Variants in DERL1 observed in about 807,000 individuals in gnomAD.
DERL1 encodes derlin 1, also known as derlin-1.
A neutral mutation model predicts 41.6 loss-of-function variants in DERL1; 24 were observed. The observed-to-expected ratio is 0.58, with a 90% confidence interval of 0.42 to 0.81. DERL1 has a LOEUF of 0.81. DERL1 is among the 30% of genes least tolerant of loss of function. DERL1 has a pLI of 0.00. For synonymous variants in DERL1, 124 were observed against 112.5 expected (o/e 1.10, Z -0.65); for missense variants, 260 against 314.3 (o/e 0.83, Z 1.31).
At position 123,030,675 on chromosome 8, in the gene DERL1, A is replaced by T. The variant is rs549756805; in HGVS notation, c.195T>A (p.Gly65=). The T allele has an allele frequency of 6.2e-6, 10 of 1,612,846 alleles. No homozygotes were observed. In the African/African-American group the frequency reaches 1.3e-4, roughly 22 times the overall value. The change falls in exon 2 of 8, where the codon GGT becomes GGA. Residue 65 remains glycine, a synonymous_variant. Transcript: ENST00000259512. ...CCAAATAAAGAAATCCAGTTCCTGG[A>T]CCCACAGGGAAATAAAAGGTGGCAG... ...PITATFYFPV[G]PGTGFLYLVN...
intron 2 of DERL1, chr8:123,025,849 A>G (rs1455975609): frequency 1.3e-5 from 2 of 152,234 alleles, no homozygotes; most frequent in African/African-American, 4.8e-5. Context: ...TGTTAGAACC[A>G]GAGTGACATC....
chr8:123,030,380 C>G (rs1209888169), intron 2 of DERL1: 1 of 369,714 alleles, frequency 2.7e-6, no homozygotes, highest in South Asian at 3.7e-5. Flanking sequence ...CTACTTTTTG[C>G]ATCTATAAAA....
Position 123,015,217 on chromosome 8 carries a change from T to G in DERL1, c.*230A>C. The G allele has an allele frequency of 2.0e-6, 1 of 497,706 alleles. No individual in the cohort carries two copies. The highest frequency in any genetic ancestry group is 3.3e-6 in the Non-Finnish European group (1 of 303,776). 30.8% of individuals were successfully genotyped at this position (497,706 alleles called of 1,614,324 possible). On this transcript the variant is annotated 3_prime_UTR_variant, in exon 8 of 8. Coordinates refer to ENST00000259512, the MANE Select transcript of DERL1 (RefSeq NM_024295.6). The stretch of plus-strand genomic sequence containing the variant: ...CCAAAAAATGTAGTCAGTTTTGCAA[T>G]TTGCACAGTTGGTATTTGTTCTTCA...
intron 6 of DERL1, among the ~76,000 whole-genome samples, chr8:123,020,796 CAAAAAA>C (rs59816749): frequency 3.6e-5 from 4 of 112,396 alleles, no homozygotes; most frequent in East Asian, 2.5e-4. Context: ...CTAAAAATCC[CAAAAAA>C]AAAAAAAAAA....
chr8:123,015,901 G>C (rs1814557432), intron 7 of DERL1: 1 of 201,588 alleles, frequency 5.0e-6, no homozygotes, highest in South Asian at 1.7e-4. Flanking sequence ...ACACCCACAA[G>C]CCCAGCAACC....
rs1438946304 is a variant in DERL1 at position 123,013,901 on chromosome 8, A to G, written c.*1546T>C. On this transcript the variant is annotated 3_prime_UTR_variant, in exon 8 of 8. Transcript: ENST00000259512. Reference sequence around the variant, plus strand: ...ATATAAATTAAATATGGAGAGGTACACACAAACTCTATTCAAAATGAGAAG... The same window carrying G: ...ATATAAATTAAATATGGAGAGGTACGCACAAACTCTATTCAAAATGAGAAG... The G allele has an allele frequency of 1.3e-5, 2 of 152,230 alleles. No homozygotes were observed. The highest frequency in any genetic ancestry group is 4.8e-5 in the African/African-American group (2 of 41,450). 9.4% of individuals were successfully genotyped at this position (152,230 alleles called of 1,614,324 possible). A position where few individuals can be genotyped will look rare whatever the true frequency, so the allele number is the denominator to read the frequency against.
chr8:123,037,382 A>G (rs536372184), intron 1 of DERL1, among the ~76,000 whole-genome samples: 1 of 152,350 alleles, frequency 6.6e-6, no homozygotes, highest in South Asian at 2.1e-4. Flanking sequence ...CCCCCAAAAA[A>G]GTTGCATTAA....
In DERL1 at chr8:123,014,956, C is replaced by T. The variant is rs1814515917; in HGVS notation, c.*491G>A. ...AATTACGTGAATATGATTGTTGTGA[C>T]CAAGCCTTGGCAAAAGTCAATAAAT... On this transcript the variant is annotated 3_prime_UTR_variant, in exon 8 of 8. Coordinates refer to ENST00000259512, the MANE Select transcript of DERL1 (RefSeq NM_024295.6). The T allele has an allele frequency of 6.6e-6, 1 of 152,358 alleles. No individual in the cohort carries two copies. The allele number at this position is 152,358 out of a possible 1,614,324, so 9.4% of individuals were successfully genotyped here.
In DERL1 at chr8:123,014,220, T is replaced by C. The variant is rs1814492598; in HGVS notation, c.*1227A>G. 6.6e-6 allele frequency: 1 copy of C among 152,628 alleles called. No individual in the cohort carries two copies. The highest frequency in any genetic ancestry group is 6.5e-5 in the Admixed American group (1 of 15,280). 9.5% of individuals were successfully genotyped at this position (152,628 alleles called of 1,614,324 possible). A position where few individuals can be genotyped will look rare whatever the true frequency, so the allele number is the denominator to read the frequency against. On this transcript the variant is annotated 3_prime_UTR_variant, in exon 8 of 8. Coordinates refer to ENST00000259512, the MANE Select transcript of DERL1 (RefSeq NM_024295.6). ...AAAGCCCACCTACGAAAAAAAGGTG[T>C]GGGTATTTAAGCTGGTCTGATTCAC...
intron 2 of DERL1, among the ~76,000 whole-genome samples, chr8:123,029,006 T>C (rs1022471901): frequency 6.6e-6 from 1 of 151,758 alleles, no homozygotes; most frequent in African/African-American, 2.4e-5. Flanking sequence ...CAGTCAAGGC[T>C]GCAGGGAGCC....
At chr8:123,030,470 A>G in intron 2 of DERL1, 135 bp downstream of exon 2, 1 of 616,512 alleles carries the variant, frequency 1.6e-6, no homozygotes, top group Non-Finnish European at 2.8e-6. Flanking sequence ...CAGTCCTGGC[A>G]CAGTCACTAA....
chr8:123,035,985 A>T (rs1015085042), intron 1 of DERL1, among the ~76,000 whole-genome samples: 1 of 152,218 alleles, frequency 6.6e-6, no homozygotes, highest in African/African-American at 2.4e-5. Context: ...ATGCTAGTTT[A>T]GTAAACTGTG....
At chr8:123,026,828 T>C (rs1812707308) in intron 2 of DERL1, among the ~76,000 whole-genome samples, 1 of 151,472 alleles carries the variant, frequency 6.6e-6, no homozygotes, top group Admixed American at 6.6e-5. Context: ...AAATGAGGTA[T>C]ATCCATACGA....
rs540956881 is a variant in DERL1, at chr8:123,026,661, C to T, written c.266-1611G>A. On this transcript the variant is annotated intron_variant, in intron 2 of 7. Coordinates refer to ENST00000259512, the MANE Select transcript of DERL1 (RefSeq NM_024295.6). Reference sequence around the variant, plus strand: ...GCTCTGCAACTTTTGGGACACGTCACCACCACTCTAGATCACTGTTTTCTT... The same window carrying T: ...GCTCTGCAACTTTTGGGACACGTCATCACCACTCTAGATCACTGTTTTCTT... Among the ~76,000 whole-genome samples, 4 of 152,024 alleles carry T rather than the reference C, an allele frequency of 2.6e-5. No individual in the cohort carries two copies. The East Asian group carries it at 7.7e-4, about 29-fold the overall frequency.
intron 1 of DERL1, among the ~76,000 whole-genome samples, chr8:123,035,179 T>C (rs1343556668): frequency 6.6e-6 from 1 of 152,228 alleles, no homozygotes; most frequent in Admixed American, 6.5e-5. Flanking sequence ...TTGCACCTGT[T>C]CTTTGGAAAT....
intron 3 of DERL1, 110 bp downstream of exon 3, chr8:123,024,876 A>G: frequency 8.8e-7 from 1 of 1,140,890 alleles, no homozygotes; most frequent in Non-Finnish European, 1.2e-6. Context: ...ACGGTAGTCA[A>G]CCAAGATGCA....
rs373192571 is a variant in DERL1 at position 123,015,441 on chromosome 8, G to T, written c.*6C>A. On this transcript the variant is annotated 3_prime_UTR_variant, in exon 8 of 8. Coordinates refer to ENST00000259512, the MANE Select transcript of DERL1 (RefSeq NM_024295.6). ...TTGAGAGGAGCGGCTGCCCGAGGCC[G>T]CCCCTTCACTGGTCTCCAAGTCGAA... 4 of 1,610,404 alleles carry T rather than the reference G, an allele frequency of 2.5e-6. No homozygotes were observed. The highest frequency in any genetic ancestry group is 3.4e-6 in the Non-Finnish European group (4 of 1,178,410).
chr8:123,040,148 C>A (rs1302139479), intron 1 of DERL1, among the ~76,000 whole-genome samples: 1 of 152,126 alleles, frequency 6.6e-6, no homozygotes, highest in Non-Finnish European at 1.5e-5. Flanking sequence ...ACCCAGGAGA[C>A]AGAGGTTGCA....
chr8:123,034,004 C>T (rs931111965), intron 1 of DERL1, among the ~76,000 whole-genome samples: 15 of 152,162 alleles, frequency 9.9e-5, no homozygotes, highest in Non-Finnish European at 2.1e-4. Context: ...CCCTGAATTC[C>T]TCAGAGTAGT....
Sources: gnomAD v4.1 joint callset for allele counts (sites outside exome capture counted in the v4.1 genomes callset) on GRCh38, gnomAD v4.1.1 for gene constraint, MANE v1.5 for transcripts, NCBI Gene and HGNC (gene_info 2026-07-23, HGNC 2026-07-21) for gene names.